Variants in GRID1 observed in about 807,000 individuals in gnomAD.
GRID1 encodes the protein glutamate receptor ionotropic, delta-1.
Under a neutral mutation model 98.0 loss-of-function variants are expected in GRID1, and 28 were observed. The ratio of observed to expected loss-of-function variants is 0.29; its 90% CI spans 0.21 to 0.39. The LOEUF (loss-of-function observed/expected upper bound fraction) is 0.39, where lower values mean the gene tolerates loss of function less well. Ranked by LOEUF, GRID1 falls within the 10% of genes least tolerant of loss-of-function variation. GRID1 has a pLI of 1.00. For synonymous variants in GRID1, 553 were observed against 538.5 expected (o/e 1.03, Z -0.37); for missense variants, 1,111 against 1,340.5 (o/e 0.83, Z 2.67).
rs79039229 is a variant in GRID1 at position 86,355,557 on chromosome 10, A to G, written c.235+8384T>C. On this transcript the variant is annotated intron_variant, in intron 2 of 15. Transcript: ENST00000327946. ...CACCCACTGGTAACCTACACTGCCTACAGCTTGGACCTAGAAACGGAAGGG... is the reference window on the plus strand; with the variant it reads ...CACCCACTGGTAACCTACACTGCCTGCAGCTTGGACCTAGAAACGGAAGGG... Among the ~76,000 whole-genome samples, 238 of 152,150 alleles carry G rather than the reference A, an allele frequency of 1.6e-3. 1 individual carries two copies. The highest frequency in any genetic ancestry group is 0.012 in the East Asian group (62 of 5,170).
intron 2 of GRID1, among the ~76,000 whole-genome samples, chr10:86,274,161 A>G (rs1423415660): frequency 1.3e-5 from 2 of 151,780 alleles, no homozygotes; most frequent in Non-Finnish European, 1.5e-5. Context: ...ACCATTTATT[A>G]AATAGGGAAT....
At chr10:86,050,282 G>A (rs1003706845) in intron 4 of GRID1, among the ~76,000 whole-genome samples, 1 of 152,228 alleles carries the variant, frequency 6.6e-6, no homozygotes, top group Non-Finnish European at 1.5e-5. Context: ...AATTTACAAT[G>A]CTCAAAAGTA....
At chr10:86,030,668 G>C (rs1416580229) in intron 4 of GRID1, among the ~76,000 whole-genome samples, 1 of 152,152 alleles carries the variant, frequency 6.6e-6, no homozygotes, top group Non-Finnish European at 1.5e-5. Context: ...AGCAGTTAGG[G>C]TTACCACTCC....
At chr10:86,014,616 T>A (rs1842958827) in intron 4 of GRID1, among the ~76,000 whole-genome samples, 1 of 152,202 alleles carries the variant, frequency 6.6e-6, no homozygotes, top group Non-Finnish European at 1.5e-5. Context: ...AAAAGCAGAT[T>A]TAGGCATACC....
intron 8 of GRID1, among the ~76,000 whole-genome samples, chr10:85,843,432 T>C (rs1234378614): frequency 3.9e-5 from 6 of 152,052 alleles, no homozygotes; most frequent in African/African-American, 1.4e-4. Context: ...GAAAAATTGA[T>C]ACACTTAGCC....
intron 3 of GRID1, among the ~76,000 whole-genome samples, chr10:86,147,525 G>A (rs536574137): frequency 3.7e-4 from 56 of 152,258 alleles, no homozygotes; most frequent in Non-Finnish European, 7.4e-4. Context: ...AGAGGGCCCA[G>A]AAATAAAGCT....
At chr10:86,209,757 A>C (rs538089357) in intron 2 of GRID1, among the ~76,000 whole-genome samples, 3 of 152,280 alleles carry the variant, frequency 2.0e-5, no homozygotes, top group Non-Finnish European at 4.4e-5. Context: ...GTCCCATCCC[A>C]GGACTCCCAC....
chr10:85,782,344 C>T (rs1023270986), intron 8 of GRID1, among the ~76,000 whole-genome samples: 13 of 152,062 alleles, frequency 8.5e-5, no homozygotes, highest in Admixed American at 3.9e-4. Flanking sequence ...CTCTGTAGGA[C>T]GGGCAGTATC....
chr10:85,681,790 G>A lies in GRID1; in HGVS notation c.1998-34393C>T, dbSNP rs184249460. On this transcript the variant is annotated intron_variant, in intron 12 of 15. Coordinates refer to ENST00000327946, the MANE Select transcript of GRID1 (RefSeq NM_017551.3). ...ATTAAACAGCAAGCTGCCCGATGGA[G>A]GGTCTTTTGCAAGGACCACAGTATA... Among the ~76,000 whole-genome samples the A allele has an allele frequency of 2.4e-3, 371 of 152,250 alleles. 3 individuals are homozygous for A. The highest frequency in any genetic ancestry group is 8.3e-3 in the African/African-American group (346 of 41,554).
intron 5 of GRID1, among the ~76,000 whole-genome samples, chr10:85,872,463 G>A (rs933149017): frequency 3.9e-5 from 6 of 152,154 alleles, no homozygotes; most frequent in African/African-American, 1.4e-4. Context: ...CTTTCTGGAG[G>A]GAGAATCTGC....
At chr10:85,896,858 GTA>G (rs1251092482) in intron 5 of GRID1, among the ~76,000 whole-genome samples, 1 of 152,162 alleles carries the variant, frequency 6.6e-6, no homozygotes, top group Non-Finnish European at 1.5e-5. Flanking sequence ...AGAGATCTAG[GTA>G]TAAGGATGTT....
At position 85,619,972 on chromosome 10, in the gene GRID1, G is replaced by A. The variant is rs377494801; in HGVS notation, c.2255C>T (p.Thr752Met). 53 of 1,613,756 alleles carry A rather than the reference G, an allele frequency of 3.3e-5. No individual in the cohort carries two copies. The highest frequency in any genetic ancestry group is 1.6e-4 in the Middle Eastern group (1 of 6,084). Residue 752 changes from threonine to methionine, a missense_variant, in exon 14 of 16, where the codon ACG becomes ATG. This residue lies in a region of GRID1 where 762 missense variants were observed against 869.1 expected (regional missense o/e 0.88). Coordinates refer to ENST00000327946, the MANE Select transcript of GRID1 (RefSeq NM_017551.3). ...GACAGTCACCGAGCAGTCGTCATCC[G>A]TCAGGGCTGCGTATTCCACCACGGC... is the stretch of plus-strand genomic sequence containing the variant. ...DVAVVEYAALTDDDCSVTVIG... is the reference protein window; with the variant it reads ...DVAVVEYAALMDDDCSVTVIG...
At chr10:85,960,039 T>C (rs944330808) in intron 4 of GRID1, among the ~76,000 whole-genome samples, 2 of 152,044 alleles carry the variant, frequency 1.3e-5, no homozygotes, top group Admixed American at 1.3e-4. Context: ...GTGCCACCAC[T>C]CCTGGCTAAT....
intron 4 of GRID1, among the ~76,000 whole-genome samples, chr10:85,926,529 G>T (rs192972339): frequency 1.6e-4 from 24 of 152,282 alleles, no homozygotes; most frequent in African/African-American, 5.1e-4. Flanking sequence ...AGCTCTTGGG[G>T]ACCTCACAGT....
At chr10:86,017,575 G>A (rs930053427) in intron 4 of GRID1, among the ~76,000 whole-genome samples, 1 of 152,206 alleles carries the variant, frequency 6.6e-6, no homozygotes, top group Non-Finnish European at 1.5e-5. Flanking sequence ...ACTGGGTCAT[G>A]GTTCAATGTC....
At chr10:86,307,454 G>A (rs1221312559) in intron 2 of GRID1, among the ~76,000 whole-genome samples, 1 of 152,144 alleles carries the variant, frequency 6.6e-6, no homozygotes, top group African/African-American at 2.4e-5. Flanking sequence ...GACAAATACT[G>A]CACAATCTCA....
rs77270599 is a variant in GRID1, at chr10:85,971,173, C to A, written c.727-54934G>T. On this transcript the variant is annotated intron_variant, in intron 4 of 15. Transcript: ENST00000327946. ...ACTTAGATGGTTCCCCAGTGACAACCTTTCCCCAGGAGTCATTCAGCTTCA... is the reference window on the plus strand; with the variant it reads ...ACTTAGATGGTTCCCCAGTGACAACATTTCCCCAGGAGTCATTCAGCTTCA... 6.4e-3 allele frequency among the ~76,000 whole-genome samples: 970 copies of A among 151,978 alleles called. 21 individuals carry two copies. Among genetic ancestry groups the A allele is most frequent in the East Asian group, 0.02 (101 of 5,176 alleles).
chr10:86,218,434 G>A (rs1057400540), intron 2 of GRID1, among the ~76,000 whole-genome samples: 5 of 152,114 alleles, frequency 3.3e-5, no homozygotes, highest in Non-Finnish European at 7.4e-5. Context: ...TTGGCCAGCA[G>A]CCCTTCTAGG....
At chr10:86,362,824 CG>C (rs1848618377) in intron 2 of GRID1, among the ~76,000 whole-genome samples, 1 of 152,244 alleles carries the variant, frequency 6.6e-6, no homozygotes, top group African/African-American at 2.4e-5. Context: ...CTCGGCTCAA[CG>C]GGCTTGAGGA....
Sources: allele counts gnomAD v4.1 joint callset (sites outside exome capture counted in the v4.1 genomes callset), GRCh38; gene constraint gnomAD v4.1.1; regional missense constraint gnomAD v4.1.1; transcripts MANE v1.5; gene names NCBI Gene and HGNC (gene_info 2026-07-23, HGNC 2026-07-21).